GFOD2: variants seen among roughly 807,000 people sequenced by gnomAD.
GFOD2 encodes the protein glucose-fructose oxidoreductase domain-containing protein 2.
A neutral mutation model predicts 24.6 loss-of-function variants in GFOD2; 9 were observed. The observed-to-expected ratio is 0.37, with a 90% CI of 0.22 to 0.64. The LOEUF (loss-of-function observed/expected upper bound fraction) is 0.64, where lower values mean the gene tolerates loss of function less well. Ranked by LOEUF, GFOD2 falls within the 30% of genes least tolerant of loss-of-function variation. The pLI is 0.65. For missense variants in GFOD2, 476 were observed against 532.5 expected, an observed-to-expected ratio of 0.89 and a Z score of 1.04; for synonymous variants, 211 against 224.8, an observed-to-expected ratio of 0.94 and a Z score of 0.55.
intron 2 of GFOD2, among the ~76,000 whole-genome samples, chr16:67,679,962 G>A (rs575648606): frequency 6.6e-6 from 1 of 152,132 alleles, no homozygotes; most frequent in Non-Finnish European, 1.5e-5. Context: ...GCAGTAGCGG[G>A]ATTCTGGTTC....
intron 1 of GFOD2, among the ~76,000 whole-genome samples, chr16:67,695,206 AGGCTGGTCTCGAACT>A (rs1333381250): frequency 1.3e-5 from 2 of 152,170 alleles, no homozygotes; most frequent in East Asian, 3.9e-4. Flanking sequence ...CATGTTGGCC[AGGCTGGTCTCGAACT>A]CCTGACCTCA....
At chr16:67,699,986 G>T in intron 1 of GFOD2, among the ~76,000 whole-genome samples, 1 of 151,998 alleles carries the variant, frequency 6.6e-6, no homozygotes, top group East Asian at 1.9e-4. Flanking sequence ...CAGGAGGGAG[G>T]AACACTTGAG....
At chr16:67,703,370 T>C (rs950556036) in intron 1 of GFOD2, among the ~76,000 whole-genome samples, 4 of 152,030 alleles carry the variant, frequency 2.6e-5, no homozygotes, top group Non-Finnish European at 5.9e-5. Flanking sequence ...GCCTTTGCAC[T>C]CTAGCCTGGG....
intron 1 of GFOD2, among the ~76,000 whole-genome samples, chr16:67,697,327 G>C (rs1025504054): frequency 3.3e-5 from 5 of 152,136 alleles, no homozygotes; most frequent in African/African-American, 1.2e-4. Context: ...TTAGATATGA[G>C]TCAGTACATA....
chr16:67,714,196 G>C (rs1425079058), intron 1 of GFOD2, among the ~76,000 whole-genome samples: 1 of 148,504 alleles, frequency 6.7e-6, no homozygotes, highest in East Asian at 1.9e-4. Flanking sequence ...TTATGGTCCA[G>C]AGGCCAGGCA....
At chr16:67,676,116 T>C in intron 2 of GFOD2, 63 bp from the exon 3 acceptor site, 1 of 1,470,772 alleles carries the variant, frequency 6.8e-7, no homozygotes, top group Non-Finnish European at 9.1e-7. Context: ...CATGTCCGCC[T>C]GCCCTGAGGA....
In GFOD2 at chr16:67,708,229, A is replaced by G. The variant is rs531235032; in HGVS notation, c.-88+10934T>C. ...AGAACAACCTGTTCACACCTTGCAA[A>G]TTCAGTTCTGTAATCAAACTAAATG... On this transcript the variant is annotated intron_variant, in intron 1 of 2. Transcript: ENST00000268797. 2.2e-3 allele frequency among the ~76,000 whole-genome samples: 336 copies of G among 152,338 alleles called. 2 individuals are homozygous for G. Among genetic ancestry groups the G allele is most frequent in the Middle Eastern group, 0.01 (3 of 294 alleles).
intron 1 of GFOD2, among the ~76,000 whole-genome samples, chr16:67,688,633 A>T (rs1329628609): frequency 2.0e-5 from 3 of 152,050 alleles, no homozygotes; most frequent in African/African-American, 7.2e-5. Context: ...ACCCACTGAA[A>T]CAGACAAGAG....
chr16:67,676,284 C>A, intron 2 of GFOD2: 1 of 520,078 alleles, frequency 1.9e-6, no homozygotes, highest in Non-Finnish European at 3.4e-6. Context: ...TGTACCACCA[C>A]GCCTGGCTAA....
chr16:67,699,453 T>C (rs1326069682), intron 1 of GFOD2, among the ~76,000 whole-genome samples: 3 of 152,108 alleles, frequency 2.0e-5, no homozygotes, highest in Admixed American at 6.6e-5. Flanking sequence ...TAAAATCAAC[T>C]ACTATTGGAT....
chr16:67,702,955 G>C (rs1178278620), intron 1 of GFOD2, among the ~76,000 whole-genome samples: 1 of 152,148 alleles, frequency 6.6e-6, no homozygotes, highest in African/African-American at 2.4e-5. Context: ...TGAGAAATCA[G>C]ATTCTGGGAA....
chr16:67,703,645 A>G (rs1287704730), intron 1 of GFOD2, among the ~76,000 whole-genome samples: 1 of 152,168 alleles, frequency 6.6e-6, no homozygotes, highest in Non-Finnish European at 1.5e-5. Context: ...AGATTTTGAC[A>G]CTGAAAAGAT....
At chr16:67,678,476 CAAAAAAA>C (rs144320358) in intron 2 of GFOD2, among the ~76,000 whole-genome samples, 27 of 74,974 alleles carry the variant, frequency 3.6e-4, no homozygotes, top group East Asian at 1.6e-3. Flanking sequence ...AACTCTGTCT[CAAAAAAA>C]AAAAAAAAAA....
At chr16:67,708,117 A>G (rs867214512) in intron 1 of GFOD2, among the ~76,000 whole-genome samples, 1 of 152,156 alleles carries the variant, frequency 6.6e-6, no homozygotes, top group Non-Finnish European at 1.5e-5. Flanking sequence ...AAACTCATCA[A>G]ATTGAATATT....
intron 1 of GFOD2, among the ~76,000 whole-genome samples, chr16:67,702,889 C>T (rs1008876495): frequency 8.6e-5 from 13 of 151,934 alleles, no homozygotes; most frequent in Admixed American, 2.0e-4. Context: ...TAAGACACTG[C>T]GCCCGGCCAG....
rs2053173418 is a variant in GFOD2, at chr16:67,675,164, G to A, written c.1149C>T (p.Asn383=). 1.2e-6 allele frequency: 2 copies of A among 1,611,730 alleles called. No individual in the cohort carries two copies. The highest frequency in any genetic ancestry group is 1.7e-5 in the Admixed American group (1 of 59,922). Residue 383 remains asparagine, a synonymous_variant, in exon 3 of 3, where the codon AAC becomes AAT. Transcript: ENST00000268797. ...NQNLCEALQR[N]NL is the part of the protein sequence containing the mutation. ...GAGCCCAGGTGCAGGCTCATAGGTT[G>A]TTCCGCTGAAGTGCCTCACACAGGT...
chr16:67,700,165 G>A (rs1005664134), intron 1 of GFOD2, among the ~76,000 whole-genome samples: 1 of 151,944 alleles, frequency 6.6e-6, no homozygotes, highest in Non-Finnish European at 1.5e-5. Context: ...CCTGAGCTCA[G>A]GAGTTTGCGA....
chr16:67,708,764 C>G (rs2053454488), intron 1 of GFOD2, among the ~76,000 whole-genome samples: 1 of 152,186 alleles, frequency 6.6e-6, no homozygotes, highest in African/African-American at 2.4e-5. Flanking sequence ...CAGAGCACTG[C>G]ATCCTGAGAG....
intron 1 of GFOD2, among the ~76,000 whole-genome samples, chr16:67,694,235 G>T (rs921520028): frequency 6.6e-6 from 1 of 152,072 alleles, no homozygotes; most frequent in Non-Finnish European, 1.5e-5. Flanking sequence ...GACCTCAGGT[G>T]ATCCGCTCGC....
Sources: allele counts gnomAD v4.1 joint callset (sites outside exome capture counted in the v4.1 genomes callset), GRCh38; gene constraint gnomAD v4.1.1; transcripts MANE v1.5; gene names NCBI Gene and HGNC (gene_info 2026-07-23, HGNC 2026-07-21).